Variants in CBX5 observed in about 807,000 individuals in gnomAD.
CBX5 encodes the protein chromobox protein homolog 5.
In CBX5, 7 loss-of-function variants were observed where a neutral mutation model predicts 20.7. The ratio of observed to expected loss-of-function variants is 0.34; its 90% CI spans 0.19 to 0.63. The LOEUF (loss-of-function observed/expected upper bound fraction) is 0.63. CBX5 is among the 30% of genes least tolerant of loss of function. The pLI is 0.75. For synonymous variants in CBX5, 78 were observed against 77.0 expected (o/e 1.01, Z -0.07); for missense variants, 110 against 224.1 (o/e 0.49, Z 3.25).
intron 1 of CBX5, chr12:54,272,922 T>C (rs1045236927): frequency 6.6e-6 from 1 of 152,208 alleles, no homozygotes; most frequent in Non-Finnish European, 1.5e-5. Context: ...GGTTACACCA[T>C]TAGATAATGG....
At chr12:54,246,346 T>C in intron 3 of CBX5, 131 bp from the exon 4 acceptor site, 1 of 653,052 alleles carries the variant, frequency 1.5e-6, no homozygotes, top group Non-Finnish European at 2.7e-6. Context: ...TCAGAAAAAT[T>C]TTTAGAACTT....
chr12:54,250,543 C>T (rs1252272468), intron 3 of CBX5, among the ~76,000 whole-genome samples: 4 of 152,046 alleles, frequency 2.6e-5, no homozygotes, highest in South Asian at 2.1e-4. Flanking sequence ...CGGTGGCTCA[C>T]GCCTGTAATC....
rs1026315281 is a variant in CBX5 at position 54,239,077 on chromosome 12, C to T, written c.*2678G>A. On this transcript the variant is annotated 3_prime_UTR_variant, in exon 5 of 5. Transcript: ENST00000209875. ...TAAGGGCTGAAATCAATACTGGCCT[C>T]TGGCTCCCTACATTCCTATAGAACC... The T allele has an allele frequency of 3.3e-5, 5 of 152,182 alleles. No homozygotes were observed. Among genetic ancestry groups the T allele is most frequent in the Non-Finnish European group, 7.3e-5 (5 of 68,050 alleles). The allele number at this position is 152,182 out of a possible 1,614,324, so 9.4% of individuals were successfully genotyped here. A position where few individuals can be genotyped will look rare whatever the true frequency, so the allele number is the denominator to read the frequency against.
chr12:54,245,937 G>A (rs960115493), intron 4 of CBX5, among the ~76,000 whole-genome samples, 178 bp downstream of exon 4: 3 of 152,112 alleles, frequency 2.0e-5, no homozygotes, highest in African/African-American at 4.8e-5. Context: ...GAGTGAGATC[G>A]CACCACTGTA....
chr12:54,265,422 G>A (rs1311162645), intron 1 of CBX5, among the ~76,000 whole-genome samples: 1 of 152,168 alleles, frequency 6.6e-6, no homozygotes, highest in Non-Finnish European at 1.5e-5. Flanking sequence ...TTAGCCATGT[G>A]GCATTTTAAC....
At chr12:54,254,688 A>G (rs1342460143) in intron 2 of CBX5, among the ~76,000 whole-genome samples, 1 of 152,000 alleles carries the variant, frequency 6.6e-6, no homozygotes, top group African/African-American at 2.4e-5. Context: ...CCCCATCTCT[A>G]ATAAAAATAC....
rs914928862 is a variant in CBX5 at position 54,243,418 on chromosome 12, G to A, written c.426-1513C>T. Among the ~76,000 whole-genome samples, 6 of 152,030 alleles carry A rather than the reference G, an allele frequency of 3.9e-5. 1 individual carries two copies. Among genetic ancestry groups the A allele is most frequent in the South Asian group, 2.1e-4 (1 of 4,824 alleles). On this transcript the variant is annotated intron_variant, in intron 4 of 4. Transcript: ENST00000209875. ...TCAAAAAACTTTTTAAAAATTAGCAGGCCATGGTGGCATGCACCTGTAGTC... is the reference window on the plus strand; with the variant it reads ...TCAAAAAACTTTTTAAAAATTAGCAAGCCATGGTGGCATGCACCTGTAGTC...
At chr12:54,278,874 T>C (rs1190567849) in intron 1 of CBX5, 2 of 152,036 alleles carry the variant, frequency 1.3e-5, no homozygotes, top group Non-Finnish European at 2.9e-5. Flanking sequence ...TTCAATGGTG[T>C]AAAGAAAAGA....
In CBX5 at chr12:54,254,929, T is replaced by A. The variant is rs75667484; in HGVS notation, c.137+2585A>T. ...CCCAAAACCCACAGACCATATAGTTTACCATCCCAGAGGAAATTAACATAC... is the reference window on the plus strand; with the variant it reads ...CCCAAAACCCACAGACCATATAGTTAACCATCCCAGAGGAAATTAACATAC... On this transcript the variant is annotated intron_variant, in intron 2 of 4. Transcript: ENST00000209875. Among the ~76,000 whole-genome samples, 274 of 152,208 alleles carry A rather than the reference T, an allele frequency of 1.8e-3. No individual in the cohort carries two copies. In the East Asian group the frequency reaches 0.029, roughly 16 times the overall value.
intron 2 of CBX5, among the ~76,000 whole-genome samples, chr12:54,254,464 T>C (rs1943844165): frequency 6.6e-6 from 1 of 151,914 alleles, no homozygotes; most frequent in African/African-American, 2.4e-5. Flanking sequence ...AACAACTTTC[T>C]ACAAAAGGAA....
chr12:54,253,297 C>T (rs1373582172), intron 2 of CBX5, among the ~76,000 whole-genome samples: 3 of 152,062 alleles, frequency 2.0e-5, no homozygotes, highest in African/African-American at 7.2e-5. Flanking sequence ...CACCTGCAGT[C>T]CCAGCTACGC....
rs1217938443 is a variant in CBX5, at chr12:54,236,037, T to C, written c.*5718A>G. On this transcript the variant is annotated 3_prime_UTR_variant, in exon 5 of 5. Coordinates refer to ENST00000209875, the MANE Select transcript of CBX5 (RefSeq NM_012117.3). ...CAGCATTTCCAACCCTCCAGCTATA[T>C]TTATTTCCTGGAATATGTTCTTGTG... 1 of 152,186 alleles carries C rather than the reference T, an allele frequency of 6.6e-6. No individual in the cohort carries two copies. The highest frequency in any genetic ancestry group is 2.4e-5 in the African/African-American group (1 of 41,446). 9.4% of individuals were successfully genotyped at this position (152,186 alleles called of 1,614,324 possible).
intron 4 of CBX5, among the ~76,000 whole-genome samples, chr12:54,245,900 C>T (rs766411861): frequency 1.3e-4 from 20 of 152,136 alleles, no homozygotes; most frequent in Non-Finnish European, 2.4e-4. Context: ...ATCACTTGAA[C>T]CCAGGAGGCG....
chr12:54,278,852 C>T (rs1471232169), intron 1 of CBX5: 1 of 152,094 alleles, frequency 6.6e-6, no homozygotes, highest in African/African-American at 2.4e-5. Flanking sequence ...AAAAGAGGGA[C>T]TTTAGGATAT....
intron 1 of CBX5, among the ~76,000 whole-genome samples, chr12:54,276,406 TGTTGAATATCTCATGTAATTG>T (rs1296885496): frequency 6.6e-6 from 1 of 152,192 alleles, no homozygotes; most frequent in African/African-American, 2.4e-5. Context: ...TATAATAAAG[TGTTGAATATCTCATGTAATTG>T]GTTGATTACT....
chr12:54,278,698 A>G (rs1944095023), intron 1 of CBX5: 1 of 152,244 alleles, frequency 6.6e-6, no homozygotes, highest in Admixed American at 6.5e-5. Context: ...GATAGACTGC[A>G]TGTAAAACAC....
At chr12:54,271,606 G>A (rs893139574) in intron 1 of CBX5, among the ~76,000 whole-genome samples, 1 of 152,246 alleles carries the variant, frequency 6.6e-6, no homozygotes, top group Non-Finnish European at 1.5e-5. Context: ...TTACAGGCGT[G>A]AGCCACTGCA....
At position 54,254,571 on chromosome 12, in the gene CBX5, G is replaced by A. The variant is rs368482371; in HGVS notation, c.138-2344C>T. On this transcript the variant is annotated intron_variant, in intron 2 of 4. Transcript: ENST00000209875. ...TCTCTCAGCAGAAAAAAAATTCCTC[G>A]GCCGGGCACGGTGGCTCAAGTCTCT... 2.1e-4 allele frequency among the ~76,000 whole-genome samples: 32 copies of A among 149,030 alleles called. 1 individual carries two copies. Among genetic ancestry groups the A allele is most frequent in the East Asian group, 1.6e-3 (8 of 4,904 alleles).
chr12:54,249,827 CAAACTGAAGA>C (rs1012169246), intron 3 of CBX5, among the ~76,000 whole-genome samples: 1 of 152,126 alleles, frequency 6.6e-6, no homozygotes, highest in Non-Finnish European at 1.5e-5. Flanking sequence ...ATACACTTCC[CAAACTGAAGA>C]AGATTCAAAA....
Sources: gnomAD v4.1 joint callset for allele counts (sites outside exome capture counted in the v4.1 genomes callset) on GRCh38, gnomAD v4.1.1 for gene constraint, MANE v1.5 for transcripts, NCBI Gene and HGNC (gene_info 2026-07-23, HGNC 2026-07-21) for gene names.